The following COX7B2 variants were observed in gnomAD, a reference collection of about 807,000 sequenced individuals.
COX7B2 encodes cytochrome c oxidase subunit 7B2.
For missense variants in COX7B2, 109 were observed against 95.9 expected (o/e 1.14, Z -0.57); for synonymous variants, 37 against 32.1 (o/e 1.15, Z -0.51).
chr4:46,735,136 C>T lies in COX7B2; in HGVS notation c.57G>A (p.Leu19=). ...ALSSLKIQSI[L]QSMARHSHVK... ...CATGGCTATGTCTTGCCATGCTTTG[C>T]AGAATGCTTTGAATCTTGAGACTGC... Residue 19 remains leucine (L), a synonymous_variant, in exon 3 of 3, where the codon CTG becomes CTA. Coordinates refer to ENST00000355591, the MANE Select transcript of COX7B2 (RefSeq NM_130902.3). 6.2e-7 allele frequency: 1 copy of T among 1,613,572 alleles called. No homozygotes were observed. The highest frequency in any genetic ancestry group is 8.5e-7 in the Non-Finnish European group (1 of 1,179,814).
At chr4:46,762,487 T>A (rs1301429253) in intron 2 of COX7B2, among the ~76,000 whole-genome samples, 3 of 139,028 alleles carry the variant, frequency 2.2e-5, no homozygotes, top group Non-Finnish European at 3.0e-5. Flanking sequence ...TACTATATAT[T>A]GTAAATATAT....
At chr4:46,877,340 G>A (rs1718408643) in intron 1 of COX7B2, among the ~76,000 whole-genome samples, 2 of 152,170 alleles carry the variant, frequency 1.3e-5, no homozygotes, top group Admixed American at 1.3e-4. Context: ...ACTAAGACAT[G>A]TCTCTGGATA....
At chr4:46,780,133 A>C (rs1717365705) in intron 2 of COX7B2, among the ~76,000 whole-genome samples, 1 of 152,216 alleles carries the variant, frequency 6.6e-6, no homozygotes, top group African/African-American at 2.4e-5. Flanking sequence ...GATTAGATTC[A>C]ATGACTAATC....
chr4:46,850,294 T>C lies in COX7B2; in HGVS notation c.-104-5280A>G, dbSNP rs561876896. On this transcript the variant is annotated intron_variant, in intron 1 of 2. Transcript: ENST00000355591. ...TAAAAATAATGATTTAAAAATGAGATACTGGATTGAATAAGATACAAGCCT... is the reference window on the plus strand; with the variant it reads ...TAAAAATAATGATTTAAAAATGAGACACTGGATTGAATAAGATACAAGCCT... 8.6e-5 allele frequency among the ~76,000 whole-genome samples: 13 copies of C among 152,040 alleles called. No individual in the cohort carries two copies. The South Asian group carries it at 2.7e-3, about 32-fold the overall frequency.
intron 1 of COX7B2, among the ~76,000 whole-genome samples, chr4:46,905,330 C>G (rs1311893703): frequency 6.6e-6 from 1 of 152,150 alleles, no homozygotes; most frequent in Non-Finnish European, 1.5e-5. Flanking sequence ...GTCCCCACAC[C>G]TATGTAATTT....
intron 1 of COX7B2, among the ~76,000 whole-genome samples, chr4:46,866,236 T>C (rs1245733087): frequency 6.6e-6 from 1 of 152,076 alleles, no homozygotes; most frequent in Non-Finnish European, 1.5e-5. Context: ...TTCTGGAAAA[T>C]AGGAGCTGTC....
At chr4:46,793,763 G>T (rs115778795) in intron 2 of COX7B2, among the ~76,000 whole-genome samples, 160 of 152,324 alleles carry the variant, frequency 1.1e-3, no homozygotes, top group African/African-American at 3.7e-3. Context: ...CAGCCTCATA[G>T]GCCAGATGCT....
chr4:46,783,453 G>A (rs1353675132), intron 2 of COX7B2, among the ~76,000 whole-genome samples: 1 of 152,160 alleles, frequency 6.6e-6, no homozygotes, highest in African/African-American at 2.4e-5. Context: ...CTAGGTCACT[G>A]GTGGTAAGTG....
intron 1 of COX7B2, among the ~76,000 whole-genome samples, chr4:46,846,049 G>C (rs967832991): frequency 6.6e-6 from 1 of 151,998 alleles, no homozygotes; most frequent in African/African-American, 2.4e-5. Flanking sequence ...TCAGACCCTA[G>C]TGCCAACTGA....
At chr4:46,785,375 A>ATTTTT (rs879697478) in intron 2 of COX7B2, among the ~76,000 whole-genome samples, 131 of 143,604 alleles carry the variant, frequency 9.1e-4, no homozygotes, top group African/African-American at 3.2e-3. Context: ...TGATAGAGCA[A>ATTTTT]TTTTTTTTTT....
At chr4:46,822,937 T>C (rs912612965) in intron 2 of COX7B2, among the ~76,000 whole-genome samples, 7 of 152,270 alleles carry the variant, frequency 4.6e-5, no homozygotes, top group African/African-American at 1.7e-4. Context: ...CTTAAGCCCA[T>C]TGGAGAACTG....
At chr4:46,805,340 C>G (rs185343854) in intron 2 of COX7B2, among the ~76,000 whole-genome samples, 1 of 152,236 alleles carries the variant, frequency 6.6e-6, no homozygotes, top group Non-Finnish European at 1.5e-5. Flanking sequence ...GCTGCCAGCA[C>G]GCTGTCACCT....
At chr4:46,773,323 T>C (rs1371324384) in intron 2 of COX7B2, among the ~76,000 whole-genome samples, 1 of 151,978 alleles carries the variant, frequency 6.6e-6, no homozygotes, top group East Asian at 1.9e-4. Flanking sequence ...AGTGAGTGAG[T>C]TCTCACAAGA....
intron 2 of COX7B2, among the ~76,000 whole-genome samples, chr4:46,826,111 T>C (rs1056130195): frequency 2.0e-5 from 3 of 151,828 alleles, no homozygotes; most frequent in Non-Finnish European, 2.9e-5. Flanking sequence ...TGAGAGAAAA[T>C]ATATTGCAAA....
At chr4:46,830,365 G>GAGAAA (rs1047092099) in intron 2 of COX7B2, among the ~76,000 whole-genome samples, 2 of 150,304 alleles carry the variant, frequency 1.3e-5, no homozygotes, top group Non-Finnish European at 1.5e-5. Flanking sequence ...AGAAAACGGA[G>GAGAAA]AGAAAAGAAA....
chr4:46,893,183 T>G (rs1719543679), intron 1 of COX7B2, among the ~76,000 whole-genome samples: 1 of 152,168 alleles, frequency 6.6e-6, no homozygotes, highest in African/African-American at 2.4e-5. Context: ...GTTTCTTAGG[T>G]GTAGGACTTC....
At chr4:46,887,430 G>A (rs747326170) in intron 1 of COX7B2, among the ~76,000 whole-genome samples, 1 of 152,058 alleles carries the variant, frequency 6.6e-6, no homozygotes, top group Non-Finnish European at 1.5e-5. Context: ...TAAATATCCT[G>A]GCCGGGCACA....
At chr4:46,897,437 A>G (rs1393244026) in intron 1 of COX7B2, among the ~76,000 whole-genome samples, 3 of 152,214 alleles carry the variant, frequency 2.0e-5, no homozygotes, top group Non-Finnish European at 4.4e-5. Context: ...AGTATTAAGA[A>G]AAGTTGTGTC....
chr4:46,782,608 C>G (rs1044896752), intron 2 of COX7B2, among the ~76,000 whole-genome samples: 1 of 152,146 alleles, frequency 6.6e-6, no homozygotes, highest in Non-Finnish European at 1.5e-5. Context: ...AAGCTTTGTT[C>G]TTTTGCTCTT....
Sources: allele counts gnomAD v4.1 joint callset (sites outside exome capture counted in the v4.1 genomes callset), GRCh38; gene constraint gnomAD v4.1.1; transcripts MANE v1.5; gene names NCBI Gene and HGNC (gene_info 2026-07-23, HGNC 2026-07-21).